Variants in GRIP1 observed in about 807,000 individuals in gnomAD.
GRIP1 encodes the protein glutamate receptor interacting protein 1, also known as glutamate receptor-interacting protein 1.
In GRIP1, 45 loss-of-function variants were observed where a neutral mutation model predicts 129.9. That is an observed-to-expected ratio of 0.35 (90% CI 0.27 to 0.44). GRIP1 has a LOEUF of 0.44. GRIP1 is among the 20% of genes least tolerant of loss of function. The probability of loss-of-function intolerance (pLI) is 1.00; values close to 1 mark genes in which losing one functional copy is unlikely to be tolerated. For synonymous variants in GRIP1, 530 were observed against 520.8 expected (o/e 1.02, Z -0.24); for missense variants, 1,196 against 1,396.8 (o/e 0.86, Z 2.29).
At chr12:66,901,103 A>G (rs2040837076) in intron 1 of GRIP1, among the ~76,000 whole-genome samples, 1 of 152,226 alleles carries the variant, frequency 6.6e-6, no homozygotes, top group South Asian at 2.1e-4. Flanking sequence ...TAAGTTTAAA[A>G]TGAAAGGAAA....
At chr12:66,603,140 C>T (rs942372465) in intron 1 of GRIP1, among the ~76,000 whole-genome samples, 12 of 151,044 alleles carry the variant, frequency 7.9e-5, no homozygotes, top group African/African-American at 2.7e-4. Flanking sequence ...GGATTATAGG[C>T]ATGAACCACC....
intron 1 of GRIP1, among the ~76,000 whole-genome samples, chr12:66,781,742 G>T (rs910620273): frequency 1.3e-5 from 2 of 152,204 alleles, no homozygotes; most frequent in Non-Finnish European, 2.9e-5. Context: ...GTATTGGAGA[G>T]AAAGCTGTAT....
At chr12:66,580,309 A>C (rs1360035608) in intron 2 of GRIP1, among the ~76,000 whole-genome samples, 1 of 151,320 alleles carries the variant, frequency 6.6e-6, no homozygotes, top group African/African-American at 2.4e-5. Flanking sequence ...AATCATGCCA[A>C]AATGTAAAGA....
At chr12:66,423,900 C>G (rs2057894686) in intron 14 of GRIP1, among the ~76,000 whole-genome samples, 1 of 152,092 alleles carries the variant, frequency 6.6e-6, no homozygotes, top group Non-Finnish European at 1.5e-5. Context: ...ATTTCAAACT[C>G]CTTGAAATTT....
At chr12:66,419,027 G>T (rs2057708745) in intron 15 of GRIP1, among the ~76,000 whole-genome samples, 1 of 152,152 alleles carries the variant, frequency 6.6e-6, no homozygotes, top group Non-Finnish European at 1.5e-5. Context: ...CAATAGCCAA[G>T]ATTTGCAAGC....
intron 1 of GRIP1, among the ~76,000 whole-genome samples, chr12:66,976,330 T>C (rs2042150767): frequency 6.6e-6 from 1 of 152,218 alleles, no homozygotes; most frequent in African/African-American, 2.4e-5. Context: ...GTGATTTATA[T>C]ATCGCTCCTC....
rs148668714 is a variant in GRIP1, at chr12:66,764,851, T to C, written c.-420+39202A>G. On this transcript the variant is annotated intron_variant, in intron 1 of 4. Transcript: ENST00000538373. ...CAGATAAGGAGGGCAGCTTAAGTAG[T>C]CTGTAAAACGTAACAATAACAACAA... is the stretch of plus-strand genomic sequence containing the variant. 1.2e-3 allele frequency among the ~76,000 whole-genome samples: 183 copies of C among 152,350 alleles called. 1 individual carries two copies. The highest frequency in any genetic ancestry group is 4.0e-3 in the African/African-American group (165 of 41,594).
chr12:66,871,271 A>G (rs990998363), intron 1 of GRIP1, among the ~76,000 whole-genome samples: 4 of 152,116 alleles, frequency 2.6e-5, no homozygotes, highest in Non-Finnish European at 5.9e-5. Flanking sequence ...TGATGAAAAT[A>G]CGTGATAATT....
At chr12:66,645,122 C>T (rs1005534049) in intron 1 of GRIP1, among the ~76,000 whole-genome samples, 2 of 152,152 alleles carry the variant, frequency 1.3e-5, no homozygotes, top group African/African-American at 4.8e-5. Flanking sequence ...CTACAAATAA[C>T]AATTTTTAAA....
At chr12:66,705,283 AAACT>A (rs1392667406) in intron 1 of GRIP1, among the ~76,000 whole-genome samples, 1 of 152,148 alleles carries the variant, frequency 6.6e-6, no homozygotes, top group African/African-American at 2.4e-5. Flanking sequence ...TATGTAGGTA[AAACT>A]AATAAAACTA....
chr12:66,904,294 C>A (rs193284308), intron 1 of GRIP1, among the ~76,000 whole-genome samples: 1 of 152,206 alleles, frequency 6.6e-6, no homozygotes, highest in Non-Finnish European at 1.5e-5. Flanking sequence ...ATATTTCAAA[C>A]CCCTGCATGG....
rs12820069 is a variant in GRIP1 at position 66,923,047 on chromosome 12, C to T, written c.58+146003G>A. On this transcript the variant is annotated intron_variant, in intron 1 of 1. Coordinates refer to the GRIP1 transcript ENST00000643019. Reference sequence around the variant, plus strand: ...CTGTATGAATATCATACAAGCCCTTCGCTACCTACCTCAACATTTATTTTC... The same window carrying T: ...CTGTATGAATATCATACAAGCCCTTTGCTACCTACCTCAACATTTATTTTC... 7.8e-3 allele frequency among the ~76,000 whole-genome samples: 1,190 copies of T among 152,262 alleles called. 18 individuals are homozygous for T. The highest frequency in any genetic ancestry group is 7.9e-3 in the Admixed American group (121 of 15,306).
intron 2 of GRIP1, among the ~76,000 whole-genome samples, chr12:66,579,721 G>T (rs1426471627): frequency 1.3e-5 from 2 of 152,020 alleles, no homozygotes; most frequent in Non-Finnish European, 2.9e-5. Context: ...AGAATAAAAA[G>T]AAACAAACAA....
intron 8 of GRIP1, 51 bp from the exon 9 acceptor site, chr12:66,463,144 T>C (rs1565766314): frequency 7.0e-7 from 1 of 1,433,536 alleles, no homozygotes; most frequent in Non-Finnish European, 9.8e-7. Flanking sequence ...CTCTTTGGAA[T>C]CTGACTTTCA....
At chr12:67,038,459 T>C (rs2043130677) in intron 1 of GRIP1, among the ~76,000 whole-genome samples, 1 of 152,212 alleles carries the variant, frequency 6.6e-6, no homozygotes, top group African/African-American at 2.4e-5. Flanking sequence ...TGTACATTGA[T>C]ATAAAATCAT....
chr12:66,572,710 C>T (rs2063004654), intron 2 of GRIP1, among the ~76,000 whole-genome samples: 1 of 152,196 alleles, frequency 6.6e-6, no homozygotes, highest in Non-Finnish European at 1.5e-5. Flanking sequence ...TACGTGTCTA[C>T]AGTCTCCACC....
intron 2 of GRIP1, among the ~76,000 whole-genome samples, chr12:66,558,417 C>A (rs7970748): frequency 0.23 from 35,172 of 151,984 alleles, 4,355 homozygotes; most frequent in Admixed American, 0.27. Flanking sequence ...GAAAACACCC[C>A]CGTGATTCAA....
chr12:66,683,637 G>A (rs965716404), upstream of GRIP1, among the ~76,000 whole-genome samples: 35 of 152,146 alleles, frequency 2.3e-4, no homozygotes, highest in African/African-American at 8.4e-4. Context: ...GATATAAAAG[G>A]GTGGGTATAA....
chr12:66,935,848 G>A (rs1220112973), intron 1 of GRIP1, among the ~76,000 whole-genome samples: 4 of 152,162 alleles, frequency 2.6e-5, no homozygotes, highest in African/African-American at 9.7e-5. Context: ...TATGGCTGCT[G>A]GGATTGGCCA....
Sources: allele counts gnomAD v4.1 joint callset (sites outside exome capture counted in the v4.1 genomes callset), GRCh38; gene constraint gnomAD v4.1.1; transcripts MANE v1.5; gene names NCBI Gene and HGNC (gene_info 2026-07-23, HGNC 2026-07-21).